ZBTB8A: variants seen among roughly 807,000 people sequenced by gnomAD.
The protein encoded by ZBTB8A is zinc finger and BTB domain containing 8A.
A neutral mutation model predicts 37.8 loss-of-function variants in ZBTB8A; 19 were observed. That is an observed-to-expected ratio of 0.50 (90% CI 0.35 to 0.74). The LOEUF is 0.74. Among genes scored for constraint, ZBTB8A ranks in the 30% least tolerant of loss-of-function variants. ZBTB8A has a pLI of 0.01. For synonymous variants in ZBTB8A, 181 were observed against 185.2 expected, an observed-to-expected ratio of 0.98 and a Z score of 0.19; for missense variants, 394 against 537.8, an observed-to-expected ratio of 0.73 and a Z score of 2.65.
rs905782498 is a variant in ZBTB8A at position 32,602,685 on chromosome 1, G to A, written c.*2266G>A. On this transcript the variant is annotated 3_prime_UTR_variant, in exon 5 of 5. Coordinates refer to ENST00000373510, the MANE Select transcript of ZBTB8A (RefSeq NM_001040441.3). The stretch of plus-strand genomic sequence containing the variant: ...CCTGCCTCAGCCTCCCGAGTAGCTG[G>A]GACTTACAGGCGCCCACCACCACTC... 6.6e-6 allele frequency: 1 copy of A among 151,858 alleles called. No individual in the cohort carries two copies. The highest frequency in any genetic ancestry group is 6.6e-5 in the Admixed American group (1 of 15,218). 9.4% of individuals were successfully genotyped at this position (151,858 alleles called of 1,614,324 possible).
intron 1 of ZBTB8A, among the ~76,000 whole-genome samples, chr1:32,542,919 G>A (rs1400617919): frequency 6.6e-6 from 1 of 152,108 alleles, no homozygotes; most frequent in Non-Finnish European, 1.5e-5. Context: ...AATCTGAAAT[G>A]CATTACCGAT....
At chr1:32,585,102 C>T (rs111704697) in intron 2 of ZBTB8A, among the ~76,000 whole-genome samples, 16,544 of 141,998 alleles carry the variant, frequency 0.12, 1,024 homozygotes, top group African/African-American at 0.18. Flanking sequence ...ACCATCATGA[C>T]TTACTGCAGC....
intron 2 of ZBTB8A, among the ~76,000 whole-genome samples, chr1:32,566,201 CAAA>C (rs35071920): frequency 7.1e-5 from 5 of 70,740 alleles, no homozygotes; most frequent in Admixed American, 1.8e-4. Flanking sequence ...GACTCCATCT[CAAA>C]AAAAAAAAAA....
intron 2 of ZBTB8A, among the ~76,000 whole-genome samples, chr1:32,588,955 G>A (rs1418238010): frequency 6.6e-6 from 1 of 151,996 alleles, no homozygotes; most frequent in Non-Finnish European, 1.5e-5. Flanking sequence ...CTGCACTCCA[G>A]CCTGGGTGAC....
chr1:32,601,664 A>C lies in ZBTB8A; in HGVS notation c.*1245A>C, dbSNP rs1465261512. On this transcript the variant is annotated 3_prime_UTR_variant, in exon 5 of 5. Transcript: ENST00000373510. ...GAGAGAAAACTGATGATTGGACAGG[A>C]TCTGATTTTAAACAATCCTCTTTCA... 2.5e-6 allele frequency: 1 copy of C among 398,466 alleles called. No individual in the cohort carries two copies. The allele number at this position is 398,466 out of a possible 1,614,324, so 24.7% of individuals were successfully genotyped here.
intron 1 of ZBTB8A, among the ~76,000 whole-genome samples, chr1:32,544,319 A>G (rs568624845): frequency 2.6e-5 from 4 of 152,378 alleles, no homozygotes; most frequent in South Asian, 4.1e-4. Context: ...GGTATAGCCT[A>G]TGGCTCCTAG....
At chr1:32,590,098 T>C (rs1644477092) in intron 2 of ZBTB8A, among the ~76,000 whole-genome samples, 1 of 151,660 alleles carries the variant, frequency 6.6e-6, no homozygotes, top group Non-Finnish European at 1.5e-5. Flanking sequence ...ACTTTATTTA[T>C]TATTTATTTA....
intron 1 of ZBTB8A, among the ~76,000 whole-genome samples, chr1:32,544,849 C>T (rs746995577): frequency 2.6e-5 from 4 of 152,132 alleles, no homozygotes; most frequent in Non-Finnish European, 5.9e-5. Flanking sequence ...TTTTTATGGC[C>T]GAGTTACATT....
Position 32,595,097 on chromosome 1 carries a change from T to C in ZBTB8A, c.867T>C (p.His289=). ...GATTCAAGTGCCCGTACTGCACACATGTGGTGAAGCGGAAGGCAGACCTAA... is the reference window on the plus strand; with the variant it reads ...GATTCAAGTGCCCGTACTGCACACACGTGGTGAAGCGGAAGGCAGACCTAA... ...RMRFKCPYCT[H]VVKRKADLKR... is the part of the protein sequence containing the mutation. The change falls in exon 4 of 5, where the codon CAT becomes CAC. Residue 289 remains histidine (H), a synonymous_variant. Coordinates refer to ENST00000373510, the MANE Select transcript of ZBTB8A (RefSeq NM_001040441.3). The C allele has an allele frequency of 6.2e-7, 1 of 1,614,152 alleles. No individual in the cohort carries two copies. Among genetic ancestry groups the C allele is most frequent in the Admixed American group, 1.7e-5 (1 of 60,016 alleles).
intron 2 of ZBTB8A, among the ~76,000 whole-genome samples, chr1:32,566,408 C>T (rs1644279714): frequency 6.6e-6 from 1 of 151,616 alleles, no homozygotes; most frequent in African/African-American, 2.4e-5. Context: ...ACCTCTAGTC[C>T]CAGTTACTCA....
intron 2 of ZBTB8A, among the ~76,000 whole-genome samples, chr1:32,562,210 T>C (rs1304472312): frequency 6.6e-6 from 1 of 151,258 alleles, no homozygotes; most frequent in East Asian, 2.0e-4. Context: ...TCTACCTCAG[T>C]CTCCTAAAGT....
intron 1 of ZBTB8A, among the ~76,000 whole-genome samples, chr1:32,544,440 G>A (rs1644085284): frequency 6.6e-6 from 1 of 152,262 alleles, no homozygotes. Flanking sequence ...GCTCACGCCT[G>A]TAATCCCAGC....
At position 32,595,044 on chromosome 1, in the gene ZBTB8A, C is replaced by T; in HGVS notation, c.824-10C>T. On this transcript the variant is annotated splice_polypyrimidine_tract_variant and intron_variant, in intron 3 of 4. Transcript: ENST00000373510. ...CTTTCCAGTGATTTAATCAAAGCGTCTCTTGACAGATGATCTGCCTCGGAT... is the reference window on the plus strand; with the variant it reads ...CTTTCCAGTGATTTAATCAAAGCGTTTCTTGACAGATGATCTGCCTCGGAT... The T allele has an allele frequency of 6.2e-7, 1 of 1,611,102 alleles. No homozygotes were observed. Among genetic ancestry groups the T allele is most frequent in the Non-Finnish European group, 8.5e-7 (1 of 1,178,386 alleles).
chr1:32,597,013 CT>C (rs1034418885), intron 4 of ZBTB8A, among the ~76,000 whole-genome samples: 48 of 146,284 alleles, frequency 3.3e-4, no homozygotes, highest in Non-Finnish European at 4.1e-4. Context: ...TTTCTTTTTT[CT>C]TTTTTTTTTT....
chr1:32,571,896 G>A (rs1451379509), intron 2 of ZBTB8A, among the ~76,000 whole-genome samples: 1 of 151,764 alleles, frequency 6.6e-6, no homozygotes. Flanking sequence ...ATATTAGGTT[G>A]GGGGTTTTTT....
chr1:32,558,704 T>G (rs1015428083), intron 2 of ZBTB8A, among the ~76,000 whole-genome samples: 1 of 152,206 alleles, frequency 6.6e-6, no homozygotes, highest in African/African-American at 2.4e-5. Flanking sequence ...ATAGTGGTAC[T>G]AATTCCCAAG....
At chr1:32,543,229 A>G (rs12129697) in intron 1 of ZBTB8A, among the ~76,000 whole-genome samples, 18,132 of 151,892 alleles carry the variant, frequency 0.12, 1,239 homozygotes, top group African/African-American at 0.2. Flanking sequence ...GATTACAGGC[A>G]CCTGCCACCA....
intron 1 of ZBTB8A, among the ~76,000 whole-genome samples, chr1:32,545,798 T>C (rs1215239993): frequency 6.6e-6 from 1 of 152,226 alleles, no homozygotes; most frequent in East Asian, 1.9e-4. Context: ...TATAAACTTC[T>C]TTTCATCCTT....
Position 32,550,620 on chromosome 1 carries a change from GCAAAAA to G in ZBTB8A, c.-83-2832_-83-2827del, listed in dbSNP as rs576637411. Reference sequence around the variant, plus strand: ...GCCTAGGTGAGAATGAGACCCTGTAGCAAAAACAAAAAGAAAAAGGAAAAAGAGATC... The same window carrying G: ...GCCTAGGTGAGAATGAGACCCTGTAGCAAAAAGAAAAAGGAAAAAGAGATC... On this transcript the variant is annotated intron_variant, in intron 1 of 4. Coordinates refer to ENST00000373510, the MANE Select transcript of ZBTB8A (RefSeq NM_001040441.3). Among the ~76,000 whole-genome samples, 621 of 151,438 alleles carry G rather than the reference GCAAAAA, an allele frequency of 4.1e-3. 4 individuals are homozygous for G. The highest frequency in any genetic ancestry group is 7.1e-3 in the Non-Finnish European group (481 of 67,832).
Sources: allele counts gnomAD v4.1 joint callset (sites outside exome capture counted in the v4.1 genomes callset), GRCh38; gene constraint gnomAD v4.1.1; transcripts MANE v1.5; gene names NCBI Gene and HGNC (gene_info 2026-07-23, HGNC 2026-07-21).